The following ARID5B variants were observed in gnomAD, a reference collection of about 807,000 sequenced individuals.
The protein encoded by ARID5B is AT-rich interaction domain 5B, also known as AT-rich interactive domain-containing protein 5B.
In ARID5B, 13 loss-of-function variants were observed where a neutral mutation model predicts 97.2. That is an observed-to-expected ratio of 0.13 (90% CI 0.09 to 0.21). The LOEUF is 0.21. ARID5B is among the 10% of genes least tolerant of loss of function. The pLI is 1.00. For missense variants in ARID5B, 1,210 were observed against 1,465.3 expected, an observed-to-expected ratio of 0.83 and a Z score of 2.84; for synonymous variants, 556 against 570.3, an observed-to-expected ratio of 0.97 and a Z score of 0.36.
At chr10:62,081,752 A>G (rs1289615348) in intron 8 of ARID5B, among the ~76,000 whole-genome samples, 1 of 152,260 alleles carries the variant, frequency 6.6e-6, no homozygotes, top group African/African-American at 2.4e-5. Context: ...CTTACATTAC[A>G]GTAATAGATT....
intron 2 of ARID5B, among the ~76,000 whole-genome samples, chr10:61,907,719 C>G (rs992897169): frequency 7.9e-5 from 12 of 152,258 alleles, no homozygotes; most frequent in African/African-American, 2.2e-4. Flanking sequence ...TGACAAGAGT[C>G]AGCCAAGTAA....
intron 4 of ARID5B, among the ~76,000 whole-genome samples, chr10:62,012,271 A>G (rs1458669331): frequency 1.3e-5 from 2 of 152,180 alleles, no homozygotes; most frequent in African/African-American, 4.8e-5. Context: ...AAGTAACCTC[A>G]GCACTTTGAG....
intron 2 of ARID5B, among the ~76,000 whole-genome samples, chr10:61,924,005 C>A (rs1844060367): frequency 6.6e-6 from 1 of 152,238 alleles, no homozygotes; most frequent in African/African-American, 2.4e-5. Flanking sequence ...ATGACTCCTC[C>A]TGGATTCCCT....
rs1280083127 is a variant in ARID5B at position 62,094,881 on chromosome 10, T to A, written c.*1851T>A. On this transcript the variant is annotated 3_prime_UTR_variant, in exon 10 of 10. Coordinates refer to ENST00000279873, the MANE Select transcript of ARID5B (RefSeq NM_032199.3). ...TTGGTGACAATTTTCAACTTCTAAA[T>A]AGGTAACTCGACTGCAAAATAATCA... 1.3e-5 allele frequency: 3 copies of A among 230,820 alleles called. No individual in the cohort carries two copies. The highest frequency in any genetic ancestry group is 2.6e-5 in the Non-Finnish European group (3 of 116,416). 14.3% of individuals were successfully genotyped at this position (230,820 alleles called of 1,614,324 possible). A position where few individuals can be genotyped will look rare whatever the true frequency, so the allele number is the denominator to read the frequency against.
chr10:61,928,506 T>A (rs1844147293), intron 2 of ARID5B, among the ~76,000 whole-genome samples: 1 of 152,082 alleles, frequency 6.6e-6, no homozygotes, highest in Non-Finnish European at 1.5e-5. Context: ...TTGTACAGGC[T>A]GATCTTGAAC....
At chr10:61,975,120 A>G (rs1302715527) in intron 3 of ARID5B, among the ~76,000 whole-genome samples, 1 of 152,226 alleles carries the variant, frequency 6.6e-6, no homozygotes, top group Non-Finnish European at 1.5e-5. Context: ...CTATAAATAA[A>G]GAATTCAAAA....
intron 3 of ARID5B, among the ~76,000 whole-genome samples, chr10:61,996,887 A>G (rs1564623289): frequency 8.7e-6 from 1 of 115,588 alleles, no homozygotes; most frequent in African/African-American, 2.9e-5. Flanking sequence ...TGACAACTGA[A>G]AAAAAAAAAT....
intron 2 of ARID5B, among the ~76,000 whole-genome samples, chr10:61,904,754 C>T (rs1843679633): frequency 6.6e-6 from 1 of 152,160 alleles, no homozygotes; most frequent in Non-Finnish European, 1.5e-5. Flanking sequence ...ATTATTCAGC[C>T]ATATTAAAAC....
At chr10:62,050,803 G>A in intron 4 of ARID5B, 85 bp from the exon 5 acceptor site, 1 of 1,112,630 alleles carries the variant, frequency 9.0e-7, no homozygotes, top group Non-Finnish European at 1.3e-6. Flanking sequence ...AATTAGAAGG[G>A]ATCACTGTAG....
chr10:61,995,531 A>G (rs1838984255), intron 3 of ARID5B, among the ~76,000 whole-genome samples: 1 of 152,206 alleles, frequency 6.6e-6, no homozygotes, highest in Non-Finnish European at 1.5e-5. Flanking sequence ...AAGGCTTAGG[A>G]GGCAGTTTTA....
chr10:62,066,459 C>T lies in ARID5B; in HGVS notation c.1102-3241C>T, dbSNP rs377331697. On this transcript the variant is annotated intron_variant, in intron 7 of 9. Coordinates refer to ENST00000279873, the MANE Select transcript of ARID5B (RefSeq NM_032199.3). ...TCATCCAGGCCATTCAGTGGAAGCT[C>T]AGTAAATAGAGGAACCACTTCCTCG... Among the ~76,000 whole-genome samples, 32 of 152,282 alleles carry T rather than the reference C, an allele frequency of 2.1e-4. No homozygotes were observed. In the South Asian group the frequency reaches 6.6e-3, roughly 32 times the overall value.
Position 62,096,789 on chromosome 10 carries a change from T to C in ARID5B, c.*3759T>C. On this transcript the variant is annotated 3_prime_UTR_variant, in exon 10 of 10. Coordinates refer to ENST00000279873, the MANE Select transcript of ARID5B (RefSeq NM_032199.3). ...TACCAGAAGAATGCTGAGCCAACTA[T>C]AAACACTCAATTTTGTATGTTTTCC... 4.3e-6 allele frequency: 1 copy of C among 233,636 alleles called. No individual in the cohort carries two copies. Among genetic ancestry groups the C allele is most frequent in the Non-Finnish European group, 8.5e-6 (1 of 118,006 alleles). 14.5% of individuals were successfully genotyped at this position (233,636 alleles called of 1,614,324 possible).
intron 7 of ARID5B, among the ~76,000 whole-genome samples, chr10:62,062,104 A>C (rs753433478): frequency 3.9e-5 from 6 of 152,152 alleles, no homozygotes; most frequent in Non-Finnish European, 5.9e-5. Context: ...TTCTCTTGGC[A>C]TATTTTGACT....
intron 7 of ARID5B, among the ~76,000 whole-genome samples, chr10:62,059,969 T>C (rs1839901769): frequency 6.6e-6 from 1 of 152,186 alleles, no homozygotes; most frequent in Admixed American, 6.5e-5. Context: ...AAGAAAGAGC[T>C]GCATAAATAT....
intron 3 of ARID5B, among the ~76,000 whole-genome samples, chr10:61,963,071 T>G (rs1838494589): frequency 6.6e-6 from 1 of 150,618 alleles, no homozygotes. Context: ...TCAACTCAAC[T>G]AATGTAAATT....
At chr10:61,933,721 T>A (rs74901250) in intron 2 of ARID5B, among the ~76,000 whole-genome samples, 2,545 of 152,328 alleles carry the variant, frequency 0.017, 76 homozygotes, top group African/African-American at 0.058. Context: ...TAAACCCTGC[T>A]GTAAACAGAT....
intron 2 of ARID5B, among the ~76,000 whole-genome samples, chr10:61,934,929 T>C (rs1294181041): frequency 1.3e-5 from 2 of 151,326 alleles, no homozygotes; most frequent in Non-Finnish European, 2.9e-5. Context: ...AAGAGAATTG[T>C]CTGAATCCCG....
intron 4 of ARID5B, among the ~76,000 whole-genome samples, chr10:62,039,309 A>G (rs1839605135): frequency 6.6e-6 from 1 of 152,208 alleles, no homozygotes; most frequent in African/African-American, 2.4e-5. Flanking sequence ...AATGTATGAT[A>G]TTGATTGCAT....
chr10:62,009,288 T>G (rs74159505), intron 4 of ARID5B, among the ~76,000 whole-genome samples: 10,119 of 152,236 alleles, frequency 0.066, 1,161 homozygotes, highest in African/African-American at 0.23. Context: ...GAACACACTG[T>G]GTTCAGCAGA....
Sources: allele counts gnomAD v4.1 joint callset (sites outside exome capture counted in the v4.1 genomes callset), GRCh38; gene constraint gnomAD v4.1.1; transcripts MANE v1.5; gene names NCBI Gene and HGNC (gene_info 2026-07-23, HGNC 2026-07-21).